The following TAFA1 variants were observed in gnomAD, a reference collection of about 807,000 sequenced individuals.
TAFA1 encodes the protein TAFA chemokine like family member 1.
TAFA1 carries 4 observed loss-of-function variants against 18.5 expected under a neutral mutation model. That is an observed-to-expected ratio of 0.22 (90% CI 0.11 to 0.49). The LOEUF is 0.49. TAFA1 is among the 20% of genes least tolerant of loss of function. The pLI is 0.98. For missense variants in TAFA1, 147 were observed against 169.0 expected (o/e 0.87, Z 0.72); for synonymous variants, 56 against 55.2 (o/e 1.01, Z -0.06).
In TAFA1 at chr3:68,487,738, C is replaced by T. The variant is rs559690518; in HGVS notation, c.260-51018C>T. Among the ~76,000 whole-genome samples, 24 of 122,170 alleles carry T rather than the reference C, an allele frequency of 2.0e-4. No individual in the cohort carries two copies. In the East Asian group the frequency reaches 3.4e-3, roughly 17 times the overall value. The allele number at this position is 122,170 out of a possible 152,430, so 80.1% of individuals were successfully genotyped here. On this transcript the variant is annotated intron_variant, in intron 3 of 4. Coordinates refer to ENST00000478136, the MANE Select transcript of TAFA1 (RefSeq NM_213609.4). ...CTGCACTCCAGCCTGGGGGACAGAGCGAAACTCTGTCTCAAAAAAAAAAAA... is the reference window on the plus strand; with the variant it reads ...CTGCACTCCAGCCTGGGGGACAGAGTGAAACTCTGTCTCAAAAAAAAAAAA...
intron 2 of TAFA1, among the ~76,000 whole-genome samples, chr3:68,026,284 C>T (rs767983867): frequency 2.0e-4 from 31 of 151,822 alleles, no homozygotes; most frequent in African/African-American, 7.0e-4. Flanking sequence ...GGTCCAGCAG[C>T]GGGGGAATGA....
chr3:68,289,933 T>C (rs1275536270), intron 2 of TAFA1, among the ~76,000 whole-genome samples: 2 of 152,226 alleles, frequency 1.3e-5, no homozygotes, highest in African/African-American at 2.4e-5. Flanking sequence ...TGGACTTGTG[T>C]AATAAATAAG....
intron 2 of TAFA1, among the ~76,000 whole-genome samples, chr3:68,289,171 T>C: frequency 6.6e-6 from 1 of 152,204 alleles, no homozygotes; most frequent in East Asian, 1.9e-4. Flanking sequence ...TTTTAATACA[T>C]AGGAATTGTT....
intron 3 of TAFA1, among the ~76,000 whole-genome samples, chr3:68,468,068 T>G (rs1252469129): frequency 1.3e-5 from 2 of 152,210 alleles, no homozygotes; most frequent in Non-Finnish European, 2.9e-5. Context: ...TTAAATTTTC[T>G]TCCAGGGCAC....
chr3:68,169,233 T>C (rs79152416), intron 2 of TAFA1, among the ~76,000 whole-genome samples: 4,233 of 152,308 alleles, frequency 0.028, 211 homozygotes, highest in African/African-American at 0.095. Context: ...CCTTACTCTC[T>C]TGGATCACTT....
chr3:68,362,954 T>TTA (rs1553681711), intron 2 of TAFA1, among the ~76,000 whole-genome samples: 5 of 146,078 alleles, frequency 3.4e-5, no homozygotes, highest in East Asian at 4.2e-4. Flanking sequence ...TTTTTTTTTT[T>TTA]AACGATGTAA....
intron 2 of TAFA1, among the ~76,000 whole-genome samples, chr3:68,331,856 CTTTTT>C (rs60291932): frequency 2.6e-5 from 2 of 76,198 alleles, no homozygotes; most frequent in African/African-American, 5.4e-5. Context: ...CTTTTCTTTT[CTTTTT>C]TTTTTTTTTT....
In TAFA1 at chr3:68,098,449, T is replaced by C. The variant is rs183140409; in HGVS notation, c.118+91705T>C. Among the ~76,000 whole-genome samples the C allele has an allele frequency of 1.6e-4, 24 of 152,284 alleles. No homozygotes were observed. The East Asian group carries it at 4.4e-3, about 28-fold the overall frequency. ...AAATATATAAAGGCATTAACTTCTATATCTTAGTGAGTTTTTACTAGGCCT... is the reference window on the plus strand; with the variant it reads ...AAATATATAAAGGCATTAACTTCTACATCTTAGTGAGTTTTTACTAGGCCT... On this transcript the variant is annotated intron_variant, in intron 2 of 4. Coordinates refer to ENST00000478136, the MANE Select transcript of TAFA1 (RefSeq NM_213609.4).
In TAFA1 at chr3:68,545,365, T is replaced by A. The variant is rs1436872331; in HGVS notation, c.*862T>A. The A allele has an allele frequency of 1.3e-5, 2 of 152,586 alleles. No individual in the cohort carries two copies. Among genetic ancestry groups the A allele is most frequent in the African/African-American group, 4.8e-5 (2 of 41,448 alleles). 9.5% of individuals were successfully genotyped at this position (152,586 alleles called of 1,614,324 possible). The stretch of plus-strand genomic sequence containing the variant: ...GAATAAGTCCTGTAAATACAATGTC[T>A]TAAGGCTTTGTATAGCTGTCCTAGA... On this transcript the variant is annotated 3_prime_UTR_variant, in exon 5 of 5. Coordinates refer to ENST00000478136, the MANE Select transcript of TAFA1 (RefSeq NM_213609.4).
At chr3:68,145,473 C>T in intron 2 of TAFA1, 1 of 888,754 alleles carries the variant, frequency 1.1e-6, no homozygotes, top group Non-Finnish European at 1.9e-6. Context: ...CAAGTTGATT[C>T]CACCACAAGA....
intron 2 of TAFA1, among the ~76,000 whole-genome samples, chr3:68,366,655 G>T (rs897897611): frequency 6.6e-6 from 1 of 152,188 alleles, no homozygotes; most frequent in African/African-American, 2.4e-5. Flanking sequence ...AGACCAGACA[G>T]TTCAAATCCA....
chr3:68,069,235 G>A (rs1477649927), intron 2 of TAFA1, among the ~76,000 whole-genome samples: 1 of 152,180 alleles, frequency 6.6e-6, no homozygotes, highest in Non-Finnish European at 1.5e-5. Flanking sequence ...AGGGTTTAAG[G>A]AACTTAGAGT....
intron 3 of TAFA1, among the ~76,000 whole-genome samples, chr3:68,531,337 A>G (rs1298102546): frequency 6.6e-6 from 1 of 152,132 alleles, no homozygotes; most frequent in African/African-American, 2.4e-5. Context: ...AAGTTTATTT[A>G]GAAGTTTAGA....
intron 2 of TAFA1, among the ~76,000 whole-genome samples, chr3:68,170,666 G>T (rs917613309): frequency 6.6e-6 from 1 of 152,182 alleles, no homozygotes; most frequent in Non-Finnish European, 1.5e-5. Context: ...CAAAGAGTAG[G>T]AAGTGAAGGC....
rs577881408 is a variant in TAFA1, at chr3:68,082,542, C to G, written c.118+75798C>G. On this transcript the variant is annotated intron_variant, in intron 2 of 4. Coordinates refer to ENST00000478136, the MANE Select transcript of TAFA1 (RefSeq NM_213609.4). ...TTAATCTCTCAAAGTCTTGTTTCCA[C>G]AACTGTAAAATGGACAAATGCATAG... Among the ~76,000 whole-genome samples, 5 of 152,304 alleles carry G rather than the reference C, an allele frequency of 3.3e-5. No homozygotes were observed. In the South Asian group the frequency reaches 1.0e-3, roughly 32 times the overall value.
chr3:68,020,915 G>A (rs1704673906), intron 2 of TAFA1, among the ~76,000 whole-genome samples: 1 of 152,120 alleles, frequency 6.6e-6, no homozygotes, highest in African/African-American at 2.4e-5. Context: ...ACCGGGAGCA[G>A]TGGCTCACAC....
At chr3:68,519,497 G>A (rs1350875905) in intron 3 of TAFA1, among the ~76,000 whole-genome samples, 1 of 152,212 alleles carries the variant, frequency 6.6e-6, no homozygotes, top group Admixed American at 6.5e-5. Flanking sequence ...ACTTTGCCTA[G>A]TATGATGCAT....
intron 3 of TAFA1, among the ~76,000 whole-genome samples, chr3:68,519,558 G>A (rs745882339): frequency 5.9e-5 from 9 of 152,118 alleles, no homozygotes; most frequent in Non-Finnish European, 1.3e-4. Flanking sequence ...ATCCAGTTCA[G>A]GCTGCTGTAA....
At chr3:68,297,396 C>T (rs928767205) in intron 2 of TAFA1, among the ~76,000 whole-genome samples, 2 of 152,172 alleles carry the variant, frequency 1.3e-5, no homozygotes, top group Admixed American at 1.3e-4. Flanking sequence ...AATTCTGGGT[C>T]TTCACCCTGA....
Sources: gnomAD v4.1 joint callset for allele counts (sites outside exome capture counted in the v4.1 genomes callset) on GRCh38, gnomAD v4.1.1 for gene constraint, MANE v1.5 for transcripts, NCBI Gene and HGNC (gene_info 2026-07-23, HGNC 2026-07-21) for gene names.